The following CDK7 variants were observed in gnomAD, a reference collection of about 807,000 sequenced individuals.
CDK7 encodes cyclin dependent kinase 7.
CDK7 carries 25 observed loss-of-function variants against 49.1 expected under a neutral mutation model. The observed-to-expected ratio is 0.51, with a 90% CI of 0.37 to 0.71. The LOEUF is 0.71. CDK7 is among the 30% of genes least tolerant of loss of function. The pLI is 0.00. For synonymous variants in CDK7, 107 were observed against 140.0 expected (o/e 0.76, Z 1.67); for missense variants, 316 against 411.7 (o/e 0.77, Z 2.01).
rs549523567 is a variant in CDK7, at chr5:69,270,189, A to C, written c.714+896A>C. Reference sequence around the variant, plus strand: ...AATGGCTCACGCCTGTAATCCCAGCACTTTGGGAGACTGAGGTAAATGGGT... The same window carrying C: ...AATGGCTCACGCCTGTAATCCCAGCCCTTTGGGAGACTGAGGTAAATGGGT... On this transcript the variant is annotated intron_variant, in intron 9 of 11. Transcript: ENST00000256443. Among the ~76,000 whole-genome samples the C allele has an allele frequency of 1.2e-4, 18 of 152,272 alleles. No individual in the cohort carries two copies. The South Asian group carries it at 3.5e-3, about 30-fold the overall frequency.
At chr5:69,269,156 A>AT in intron 8 of CDK7, 51 bp from the exon 9 acceptor site, 4 of 1,223,632 alleles carry the variant, frequency 3.3e-6, no homozygotes, top group African/African-American at 1.9e-5. Flanking sequence ...AAAGAAAAAA[A>AT]TTAAAAAAAA....
intron 10 of CDK7, 89 bp downstream of exon 10, chr5:69,273,130 T>A: frequency 1.1e-6 from 1 of 935,602 alleles, no homozygotes; most frequent in South Asian, 2.6e-5. Context: ...AAAATTAACA[T>A]TTTTTAAATA....
chr5:69,274,219 A>G (rs1751871417), intron 10 of CDK7, among the ~76,000 whole-genome samples: 1 of 152,214 alleles, frequency 6.6e-6, no homozygotes, highest in Non-Finnish European at 1.5e-5. Flanking sequence ...GAAGTTTTTA[A>G]AGTGAGTTTT....
At chr5:69,265,344 GA>G (rs908618505) in intron 8 of CDK7, among the ~76,000 whole-genome samples, 39 of 144,494 alleles carry the variant, frequency 2.7e-4, no homozygotes, top group South Asian at 4.3e-4. Flanking sequence ...GGCTCTGCAT[GA>G]AAAAAAAAAA....
intron 10 of CDK7, among the ~76,000 whole-genome samples, chr5:69,274,238 GAT>G (rs1751872906): frequency 6.6e-6 from 1 of 152,174 alleles, no homozygotes; most frequent in Admixed American, 6.5e-5. Flanking sequence ...TTGTTTCATG[GAT>G]GTCTTTATTA....
At chr5:69,273,883 A>AGATG (rs1561379327) in intron 10 of CDK7, among the ~76,000 whole-genome samples, 1 of 152,138 alleles carries the variant, frequency 6.6e-6, no homozygotes, top group Non-Finnish European at 1.5e-5. Context: ...ATATATATGG[A>AGATG]GATGGATGGA....
chr5:69,276,464 A>G (rs1752150367), intron 10 of CDK7, 79 bp from the exon 11 acceptor site: 2 of 1,305,772 alleles, frequency 1.5e-6, no homozygotes, highest in Non-Finnish European at 1.1e-6. Context: ...AATGCTCCCT[A>G]TAATCTTGAA....
intron 2 of CDK7, among the ~76,000 whole-genome samples, chr5:69,251,536 G>T (rs140537302): frequency 6.6e-6 from 1 of 152,152 alleles, no homozygotes; most frequent in Non-Finnish European, 1.5e-5. Flanking sequence ...TGAGCCACTT[G>T]TGTTTTTGTT....
rs1327623328 is a variant in CDK7, at chr5:69,272,975, C to T, written c.798C>T (p.Asp266=). 7 of 1,599,840 alleles carry T rather than the reference C, an allele frequency of 4.4e-6. No individual in the cohort carries two copies. The highest frequency in any genetic ancestry group is 1.1e-5 in the South Asian group (1 of 89,236). The change falls in exon 10 of 12, where the codon GAC becomes GAT. Residue 266 remains aspartate, a synonymous_variant. Transcript: ENST00000256443. Reference sequence around the variant, plus strand: ...ATCACATCTTCAGTGCAGCAGGAGACGACTTACTAGATCTCATACAAGGCT... The same window carrying T: ...ATCACATCTTCAGTGCAGCAGGAGATGACTTACTAGATCTCATACAAGGCT... ...PLHHIFSAAG[D]DLLDLIQGLF...
intron 8 of CDK7, among the ~76,000 whole-genome samples, chr5:69,264,328 A>G (rs1299763027): frequency 6.6e-6 from 1 of 152,208 alleles, no homozygotes; most frequent in Non-Finnish European, 1.5e-5. Context: ...AAGCAAACAA[A>G]AACAGTGAAA....
chr5:69,269,171 C>A (rs1489876719), intron 8 of CDK7, 36 bp from the exon 9 acceptor site: 14 of 1,292,756 alleles, frequency 1.1e-5, no homozygotes, highest in African/African-American at 3.0e-5. Context: ...AAAAAAAAAA[C>A]CCACCTTGAA....
Position 69,252,574 on chromosome 5 carries a change from A to G in CDK7, c.160+123A>G, listed in dbSNP as rs538232311. On this transcript the variant is annotated intron_variant, in intron 3 of 11. Coordinates refer to ENST00000256443, the MANE Select transcript of CDK7 (RefSeq NM_001799.4). ...ACCCAGGCTGGAGTACTGAGACACA[A>G]TCGTAGCTCACTGCAGCCTCAAACT... The G allele has an allele frequency of 2.8e-5, 17 of 616,920 alleles. 1 individual carries two copies. The South Asian group carries it at 3.7e-4, about 13-fold the overall frequency. The allele number at this position is 616,920 out of a possible 1,614,324, so 38.2% of individuals were successfully genotyped here.
intron 6 of CDK7, 25 bp from the exon 7 acceptor site, chr5:69,259,793 T>C: frequency 6.7e-7 from 1 of 1,496,720 alleles, no homozygotes; most frequent in Non-Finnish European, 9.3e-7. Context: ...TGCTTATTTG[T>C]TTGTTTAAAA....
chr5:69,238,090 C>T (rs1749124425), intron 2 of CDK7, among the ~76,000 whole-genome samples: 1 of 152,134 alleles, frequency 6.6e-6, no homozygotes, highest in Admixed American at 6.6e-5. Flanking sequence ...ACTCTGTACT[C>T]ATTCACCTGT....
chr5:69,252,397 GT>G lies in CDK7; in HGVS notation c.127-14del. 2 of 1,473,248 alleles carry G rather than the reference GT, an allele frequency of 1.4e-6. No individual in the cohort carries two copies. Among genetic ancestry groups the G allele is most frequent in the Non-Finnish European group, 1.9e-6 (2 of 1,075,450 alleles). 91.3% of individuals were successfully genotyped at this position (1,473,248 alleles called of 1,614,324 possible). Reference sequence around the variant, plus strand: ...TTTAACACATTTTTAATATATTTGGGTTTTTTTCCGTTTCTACCAGATCAAA... The same window carrying G: ...TTTAACACATTTTTAATATATTTGGGTTTTTTCCGTTTCTACCAGATCAAA... On this transcript the variant is annotated intron_variant, in intron 2 of 11. Transcript: ENST00000256443.
intron 11 of CDK7, 34 bp downstream of exon 11, chr5:69,276,724 AT>A: frequency 6.3e-7 from 1 of 1,590,488 alleles, no homozygotes; most frequent in Non-Finnish European, 8.6e-7. Flanking sequence ...AATTAAATGA[AT>A]TTAGAAAACT....
intron 3 of CDK7, among the ~76,000 whole-genome samples, chr5:69,253,581 A>G (rs1228109709): frequency 2.0e-5 from 3 of 152,074 alleles, no homozygotes; most frequent in Admixed American, 1.3e-4. Context: ...TTTAATTTTG[A>G]AATCTGTCAT....
Position 69,260,070 on chromosome 5 carries a change from C to T in CDK7, c.527+134C>T, listed in dbSNP as rs1001117484. On this transcript the variant is annotated intron_variant, in intron 7 of 11. Transcript: ENST00000256443. ...GTCTTAAAAAATACTGCCATTTGGC[C>T]AGGCGCGGTGACTCATGCCTGTAAT... 28 of 627,662 alleles carry T rather than the reference C, an allele frequency of 4.5e-5. No individual in the cohort carries two copies. The South Asian group carries it at 5.7e-4, about 13-fold the overall frequency. 38.9% of individuals were successfully genotyped at this position (627,662 alleles called of 1,614,324 possible).
intron 2 of CDK7, among the ~76,000 whole-genome samples, chr5:69,252,005 G>A (rs1462353595): frequency 3.3e-5 from 5 of 152,200 alleles, no homozygotes; most frequent in Admixed American, 2.0e-4. Flanking sequence ...AAAATGTGGT[G>A]TCTAAGAGCA....
Sources: gnomAD v4.1 joint callset for allele counts (sites outside exome capture counted in the v4.1 genomes callset) on GRCh38, gnomAD v4.1.1 for gene constraint, MANE v1.5 for transcripts, NCBI Gene and HGNC (gene_info 2026-07-23, HGNC 2026-07-21) for gene names.